Variants in LPCAT1 observed in about 807,000 individuals in gnomAD.
The protein encoded by LPCAT1 is 1-acylglycerol-3-phosphate O-acyltransferase.
LPCAT1 carries 23 observed loss-of-function variants against 60.9 expected under a neutral mutation model. The ratio of observed to expected loss-of-function variants is 0.38; its 90% CI spans 0.27 to 0.53. The LOEUF (loss-of-function observed/expected upper bound fraction) is 0.53, where lower values mean the gene tolerates loss of function less well. Among genes scored for constraint, LPCAT1 ranks in the 20% least tolerant of loss-of-function variants. LPCAT1 has a pLI of 0.82. For missense variants in LPCAT1, 622 were observed against 723.6 expected (o/e 0.86, Z 1.61); for synonymous variants, 340 against 301.1 (o/e 1.13, Z -1.34).
At chr5:1,517,542 C>T (rs560059821) in intron 1 of LPCAT1, among the ~76,000 whole-genome samples, 6 of 152,318 alleles carry the variant, frequency 3.9e-5, no homozygotes, top group Non-Finnish European at 8.8e-5. Context: ...CAGGAGGCAC[C>T]GGGCATGGGC....
chr5:1,468,149 G>T (rs556915378), intron 12 of LPCAT1, among the ~76,000 whole-genome samples: 66 of 152,230 alleles, frequency 4.3e-4, no homozygotes, highest in African/African-American at 1.4e-3. Flanking sequence ...CCTCTTCCCG[G>T]GGCTCTGCCT....
intron 5 of LPCAT1, 108 bp downstream of exon 5, chr5:1,488,283 G>T: frequency 1.5e-6 from 1 of 662,990 alleles, no homozygotes; most frequent in Non-Finnish European, 2.5e-6. Context: ...CAGCACACAG[G>T]ATAAAAACAG....
rs73735505 is a variant in LPCAT1 at position 1,512,613 on chromosome 5, T to C, written c.136-11010A>G. 6.2e-3 allele frequency among the ~76,000 whole-genome samples: 938 copies of C among 152,354 alleles called. 9 individuals are homozygous for C. Among genetic ancestry groups the C allele is most frequent in the African/African-American group, 0.021 (874 of 41,580 alleles). On this transcript the variant is annotated intron_variant, in intron 1 of 13. Coordinates refer to ENST00000283415, the MANE Select transcript of LPCAT1 (RefSeq NM_024830.5). Reference sequence around the variant, plus strand: ...ACCTTTGGAATGAGGCTGTGCCCTGTGGGCTGACTCCCTCGGGCCCCCTGA... The same window carrying C: ...ACCTTTGGAATGAGGCTGTGCCCTGCGGGCTGACTCCCTCGGGCCCCCTGA...
At chr5:1,518,120 C>T (rs1481212795) in intron 1 of LPCAT1, among the ~76,000 whole-genome samples, 4 of 152,376 alleles carry the variant, frequency 2.6e-5, no homozygotes, top group African/African-American at 9.6e-5. Context: ...CTCGAGCCCA[C>T]CCACTCCTGA....
intron 2 of LPCAT1, among the ~76,000 whole-genome samples, chr5:1,500,962 C>T (rs1410706090): frequency 6.6e-6 from 1 of 152,210 alleles, no homozygotes; most frequent in Non-Finnish European, 1.5e-5. Context: ...GCCTGTGTCA[C>T]TGTGGTGCCC....
rs1284788273 is a variant in LPCAT1, at chr5:1,488,482, T to C, written c.607-31A>G. The C allele has an allele frequency of 2.8e-6, 4 of 1,424,632 alleles. No homozygotes were observed. In the African/African-American group the frequency reaches 5.7e-5, roughly 20 times the overall value. 88.2% of individuals were successfully genotyped at this position (1,424,632 alleles called of 1,614,324 possible). ...AGTGGGAGAAAGAAAAGGATCAGCATTAAACTGTACATAATTATAATTCAG... is the reference window on the plus strand; with the variant it reads ...AGTGGGAGAAAGAAAAGGATCAGCACTAAACTGTACATAATTATAATTCAG... On this transcript the variant is annotated intron_variant, in intron 4 of 13. Transcript: ENST00000283415.
At position 1,512,902 on chromosome 5, in the gene LPCAT1, G is replaced by A. The variant is rs943768347; in HGVS notation, c.135+10808C>T. ...CAGGTGCAGGCAGAACGAGACCGAC[G>A]GAAACCGCAGCACCACCTGGCTCAG... On this transcript the variant is annotated intron_variant, in intron 1 of 13. Coordinates refer to ENST00000283415, the MANE Select transcript of LPCAT1 (RefSeq NM_024830.5). Among the ~76,000 whole-genome samples the A allele has an allele frequency of 7.9e-5, 12 of 152,352 alleles. No homozygotes were observed. In the East Asian group the frequency reaches 1.5e-3, roughly 20 times the overall value.
chr5:1,514,925 C>T (rs994220085), intron 1 of LPCAT1, among the ~76,000 whole-genome samples: 31 of 152,230 alleles, frequency 2.0e-4, no homozygotes, highest in Admixed American at 1.3e-4. Flanking sequence ...CCGGACCTCC[C>T]GCCTGGTCTG....
At chr5:1,510,118 T>C (rs1289659098) in intron 1 of LPCAT1, among the ~76,000 whole-genome samples, 2 of 152,158 alleles carry the variant, frequency 1.3e-5, no homozygotes, top group Admixed American at 6.5e-5. Context: ...TGAACATCCA[T>C]TGTCTCCCTG....
At chr5:1,516,424 A>G (rs534407432) in intron 1 of LPCAT1, among the ~76,000 whole-genome samples, 3 of 152,276 alleles carry the variant, frequency 2.0e-5, no homozygotes, top group South Asian at 2.1e-4. Context: ...GTAGCCTAGG[A>G]GAACAAACAG....
In LPCAT1 at chr5:1,501,610, A is replaced by ACAC; in HGVS notation, c.136-8_136-7insGTG. ...TCAGTGTCATGAGGGCCACCTGCAGACAGAGGGGGGCATTATCCAGAGAAT... is the reference window on the plus strand; with the variant it reads ...TCAGTGTCATGAGGGCCACCTGCAGACACCAGAGGGGGGCATTATCCAGAGAAT... On this transcript the variant is annotated splice_polypyrimidine_tract_variant and splice_region_variant and intron_variant, in intron 1 of 13. Coordinates refer to ENST00000283415, the MANE Select transcript of LPCAT1 (RefSeq NM_024830.5). 1 of 1,613,572 alleles carries ACAC rather than the reference A, an allele frequency of 6.2e-7. No individual in the cohort carries two copies. Among genetic ancestry groups the ACAC allele is most frequent in the Non-Finnish European group, 8.5e-7 (1 of 1,179,720 alleles).
Position 1,509,865 on chromosome 5 carries a change from T to C in LPCAT1, c.136-8262A>G, listed in dbSNP as rs141193804. 7.3e-3 allele frequency among the ~76,000 whole-genome samples: 1,116 copies of C among 152,272 alleles called. 18 individuals are homozygous for C. Among genetic ancestry groups the C allele is most frequent in the African/African-American group, 0.025 (1,030 of 41,560 alleles). On this transcript the variant is annotated intron_variant, in intron 1 of 13. Coordinates refer to ENST00000283415, the MANE Select transcript of LPCAT1 (RefSeq NM_024830.5). The stretch of plus-strand genomic sequence containing the variant: ...GCTCTCTCTGCACACACAACCACTC[T>C]TACCTTTGGAGCCCGAGGCACGGCC...
intron 3 of LPCAT1, among the ~76,000 whole-genome samples, chr5:1,491,610 C>T (rs1303617283): frequency 1.3e-5 from 2 of 152,180 alleles, no homozygotes; most frequent in African/African-American, 4.8e-5. Flanking sequence ...CAAGGAGATG[C>T]AGCTCCTCCC....
At chr5:1,493,948 G>A (rs1579791566) in intron 3 of LPCAT1, among the ~76,000 whole-genome samples, 1 of 152,270 alleles carries the variant, frequency 6.6e-6, no homozygotes, top group African/African-American at 2.4e-5. Flanking sequence ...AGGGAGCCAG[G>A]CCAGTCGACC....
intron 1 of LPCAT1, among the ~76,000 whole-genome samples, chr5:1,512,409 T>G (rs1736384303): frequency 6.6e-6 from 1 of 152,242 alleles, no homozygotes; most frequent in Admixed American, 6.5e-5. Context: ...CCTCTCACTA[T>G]CCCTGAAGCA....
At chr5:1,512,909 G>A (rs1033932299) in intron 1 of LPCAT1, among the ~76,000 whole-genome samples, 1 of 152,248 alleles carries the variant, frequency 6.6e-6, no homozygotes, top group African/African-American at 2.4e-5. Context: ...GACGGAAACC[G>A]CAGCACCACC....
chr5:1,466,666 T>C, intron 13 of LPCAT1, 83 bp downstream of exon 13: 1 of 1,442,306 alleles, frequency 6.9e-7, no homozygotes, highest in Non-Finnish European at 9.3e-7. Context: ...ACTCCTGTCC[T>C]GGGCTCCCAC....
In LPCAT1 at chr5:1,485,924, T is replaced by C. The variant is rs554562316; in HGVS notation, c.668-2438A>G. 3.3e-5 allele frequency among the ~76,000 whole-genome samples: 5 copies of C among 152,370 alleles called. No individual in the cohort carries two copies. In the South Asian group the frequency reaches 1.0e-3, roughly 32 times the overall value. On this transcript the variant is annotated intron_variant, in intron 5 of 13. Transcript: ENST00000283415. ...CAGCCACATTTGGTAGGCCCGCCTC[T>C]GCATCCTCGGGCTGTCAGTGCCATC...
Position 1,483,554 on chromosome 5 carries a change from A to T in LPCAT1, c.668-68T>A. On this transcript the variant is annotated intron_variant, in intron 5 of 13. Transcript: ENST00000283415. The surrounding 1 kb of genome is among the most constrained non-coding windows in gnomAD (Gnocchi z 9.2). ...CAGGACAGCGTCTGCTGCGTTTCTCATGCTGCCCTTGGGATAAAAGTGAGC... is the reference window on the plus strand; with the variant it reads ...CAGGACAGCGTCTGCTGCGTTTCTCTTGCTGCCCTTGGGATAAAAGTGAGC... 3.9e-6 allele frequency: 6 copies of T among 1,527,738 alleles called. No individual in the cohort carries two copies. Among genetic ancestry groups the T allele is most frequent in the South Asian group, 1.1e-5 (1 of 87,930 alleles). The allele number at this position is 1,527,738 out of a possible 1,614,324, so 94.6% of individuals were successfully genotyped here.
Sources: gnomAD v4.1 joint callset for allele counts (sites outside exome capture counted in the v4.1 genomes callset) on GRCh38, gnomAD v4.1.1 for gene constraint, Gnocchi (gnomAD v3.1) non-coding constraint, MANE v1.5 for transcripts, NCBI Gene and HGNC (gene_info 2026-07-23, HGNC 2026-07-21) for gene names.